The following RIMS2 variants were observed in gnomAD, a reference collection of about 807,000 sequenced individuals.
RIMS2 encodes regulating synaptic membrane exocytosis 2.
In RIMS2, 59 loss-of-function variants were observed where a neutral mutation model predicts 174.4. The observed-to-expected ratio is 0.34, with a 90% CI of 0.27 to 0.42. The LOEUF is 0.42. RIMS2 is among the 10% of genes least tolerant of loss of function. RIMS2 has a pLI of 1.00. For synonymous variants in RIMS2, 606 were observed against 572.5 expected (o/e 1.06, Z -0.84); for missense variants, 1,620 against 1,666.3 (o/e 0.97, Z 0.48).
At chr8:104,190,221 G>C (rs536746590) in intron 19 of RIMS2, among the ~76,000 whole-genome samples, 86 of 152,128 alleles carry the variant, frequency 5.7e-4, no homozygotes, top group African/African-American at 2.0e-3. Flanking sequence ...AGAATCATTT[G>C]AGCCAAAGAG....
At chr8:103,989,391 T>A (rs1383996871) in exon 17 of RIMS2, 1 of 1,606,894 alleles carries the variant, frequency 6.2e-7, no homozygotes, top group Non-Finnish European at 8.5e-7. Flanking sequence ...CATCGTGTCA[T>A]GGATGACCAT....
At chr8:103,930,449 C>T (rs913679093) in intron 11 of RIMS2, among the ~76,000 whole-genome samples, 2 of 151,916 alleles carry the variant, frequency 1.3e-5, no homozygotes, top group Non-Finnish European at 2.9e-5. Flanking sequence ...GGATCAGAGC[C>T]GTAATTATCA....
At chr8:103,891,271 A>G (rs2099243572) in intron 4 of RIMS2, among the ~76,000 whole-genome samples, 8 of 152,164 alleles carry the variant, frequency 5.3e-5, no homozygotes, top group Middle Eastern at 6.8e-3. Context: ...TAAAATATAT[A>G]TTTCTTTCTG....
intron 2 of RIMS2, among the ~76,000 whole-genome samples, chr8:103,741,793 G>A (rs1200883482): frequency 6.6e-6 from 1 of 151,966 alleles, no homozygotes; most frequent in Admixed American, 6.6e-5. Flanking sequence ...ATTTAGCTTT[G>A]AGCTTATCGA....
rs1369055109 is a variant in RIMS2, at chr8:103,865,832, A to C, written c.699-19466A>C. On this transcript the variant is annotated intron_variant, in intron 3 of 23. Coordinates refer to ENST00000504942, the Ensembl canonical transcript of RIMS2. Reference sequence around the variant, plus strand: ...AGAATTTGGATAATATTTTTAAAAAATTGATTAAAGTGTAATATTTTAGTC... The same window carrying C: ...AGAATTTGGATAATATTTTTAAAAACTTGATTAAAGTGTAATATTTTAGTC... Among the ~76,000 whole-genome samples, 4 of 152,276 alleles carry C rather than the reference A, an allele frequency of 2.6e-5. No individual in the cohort carries two copies. In the East Asian group the frequency reaches 5.8e-4, roughly 22 times the overall value.
chr8:103,593,704 C>G (rs1286315426), intron 1 of RIMS2, among the ~76,000 whole-genome samples: 1 of 151,164 alleles, frequency 6.6e-6, no homozygotes, highest in Non-Finnish European at 1.5e-5. Context: ...ATATTATTTT[C>G]TCAGTAAATC....
intron 1 of RIMS2, among the ~76,000 whole-genome samples, chr8:103,618,194 A>T (rs578156989): frequency 6.6e-6 from 1 of 152,144 alleles, no homozygotes; most frequent in African/African-American, 2.4e-5. Context: ...AGGAGCATGG[A>T]TGGAGCTGGA....
At chr8:103,582,783 A>G (rs1003632231) in intron 1 of RIMS2, among the ~76,000 whole-genome samples, 5 of 152,202 alleles carry the variant, frequency 3.3e-5, no homozygotes, top group Non-Finnish European at 7.3e-5. Context: ...ATAGAACACC[A>G]GGTAGACTTC....
chr8:104,131,826 T>C (rs1338605328), intron 19 of RIMS2, among the ~76,000 whole-genome samples: 1 of 152,192 alleles, frequency 6.6e-6, no homozygotes, highest in East Asian at 1.9e-4. Context: ...TTGGGGAATA[T>C]TTCTGGCAAA....
chr8:103,793,244 G>C lies in RIMS2; in HGVS notation c.698+26707G>C, dbSNP rs2098517598. 3.3e-5 allele frequency among the ~76,000 whole-genome samples: 5 copies of C among 152,214 alleles called. No homozygotes were observed. The South Asian group carries it at 1.0e-3, about 32-fold the overall frequency. Reference sequence around the variant, plus strand: ...AAAGCTTATCCACTACGATCAAGTGGGCTTCATCCCTGGGATGGAAGGCTG... The same window carrying C: ...AAAGCTTATCCACTACGATCAAGTGCGCTTCATCCCTGGGATGGAAGGCTG... On this transcript the variant is annotated intron_variant, in intron 3 of 23. Transcript: ENST00000504942.
At chr8:103,795,514 G>A (rs2098543079) in intron 3 of RIMS2, among the ~76,000 whole-genome samples, 1 of 152,034 alleles carries the variant, frequency 6.6e-6, no homozygotes, top group African/African-American at 2.4e-5. Flanking sequence ...CACCAACATG[G>A]CACATGTGTA....
chr8:103,592,650 C>T (rs1303640317), intron 1 of RIMS2, among the ~76,000 whole-genome samples: 1 of 151,354 alleles, frequency 6.6e-6, no homozygotes, highest in Non-Finnish European at 1.5e-5. Context: ...TTTTCATAAT[C>T]ATACTAAGGT....
intron 19 of RIMS2, among the ~76,000 whole-genome samples, chr8:104,052,513 T>G (rs2096802919): frequency 6.6e-6 from 1 of 152,052 alleles, no homozygotes; most frequent in Admixed American, 6.6e-5. Context: ...ACTAAAGCTT[T>G]GAATCTAAAG....
At chr8:104,055,884 T>C (rs1393949300) in intron 19 of RIMS2, among the ~76,000 whole-genome samples, 1 of 152,094 alleles carries the variant, frequency 6.6e-6, no homozygotes, top group Non-Finnish European at 1.5e-5. Flanking sequence ...GCTAATCCTC[T>C]CTTTCTTCCT....
At chr8:103,794,376 C>A (rs2098531845) in intron 3 of RIMS2, among the ~76,000 whole-genome samples, 1 of 152,104 alleles carries the variant, frequency 6.6e-6, no homozygotes, top group African/African-American at 2.4e-5. Flanking sequence ...AACTGGCTAG[C>A]CACGTATAGA....
chr8:104,158,058 C>T (rs2098735760), intron 19 of RIMS2, among the ~76,000 whole-genome samples: 2 of 152,038 alleles, frequency 1.3e-5, no homozygotes, highest in South Asian at 4.2e-4. Context: ...GCTATCCCTC[C>T]CCCAATAGGC....
chr8:103,652,811 A>C, intron 1 of RIMS2, 101 bp downstream of exon 3: 1 of 655,836 alleles, frequency 1.5e-6, no homozygotes, highest in Non-Finnish European at 2.4e-6. Context: ...ATGCCCTCAG[A>C]AAGGAAAATT....
chr8:103,819,445 A>G, intron 3 of RIMS2: 5 of 1,600,198 alleles, frequency 3.1e-6, no homozygotes, highest in Non-Finnish European at 4.2e-6. Context: ...GTGTCAGCAA[A>G]TAGATGATTT....
intron 3 of RIMS2, among the ~76,000 whole-genome samples, chr8:103,809,096 G>T (rs1024083044): frequency 5.9e-5 from 9 of 152,136 alleles, no homozygotes; most frequent in African/African-American, 2.2e-4. Flanking sequence ...CCAGCTATTT[G>T]ATTTCTCCCT....
Sources: allele counts gnomAD v4.1 joint callset (sites outside exome capture counted in the v4.1 genomes callset), GRCh38; gene constraint gnomAD v4.1.1; transcripts MANE v1.5; gene names NCBI Gene and HGNC (gene_info 2026-07-23, HGNC 2026-07-21).